Variants in PDLIM5 observed in about 807,000 individuals in gnomAD.
The protein encoded by PDLIM5 is PDZ and LIM domain protein 5.
Under a neutral mutation model 64.2 loss-of-function variants are expected in PDLIM5, and 34 were observed. That is an observed-to-expected ratio of 0.53 (90% confidence interval 0.40 to 0.71). The LOEUF is 0.71. Among genes scored for constraint, PDLIM5 ranks in the 30% least tolerant of loss-of-function variants. The pLI, the probability that PDLIM5 is intolerant of heterozygous loss-of-function variation, is 0.00. For missense variants in PDLIM5, 683 were observed against 733.6 expected, an observed-to-expected ratio of 0.93 and a Z score of 0.80; for synonymous variants, 253 against 269.1, an observed-to-expected ratio of 0.94 and a Z score of 0.59.
chr4:94,543,042 C>T (rs773369514), intron 3 of PDLIM5, among the ~76,000 whole-genome samples: 11 of 152,172 alleles, frequency 7.2e-5, no homozygotes, highest in Non-Finnish European at 1.2e-4. Flanking sequence ...GTAGTCATTA[C>T]TCGGATGAAG....
chr4:94,584,636 A>G, intron 5 of PDLIM5: 1 of 218,104 alleles, frequency 4.6e-6, no homozygotes, highest in Non-Finnish European at 9.0e-6. Context: ...ATGAATGAGA[A>G]AACTGTAGAA....
intron 2 of PDLIM5, among the ~76,000 whole-genome samples, chr4:94,485,729 A>G (rs1726256848): frequency 6.6e-6 from 1 of 151,604 alleles, no homozygotes; most frequent in Non-Finnish European, 1.5e-5. Context: ...ATGTGCCTGT[A>G]ATCCCAGCTA....
Position 94,665,754 on chromosome 4 carries a change from T to G in PDLIM5, c.*1687T>G, listed in dbSNP as rs1277959735. ...TGAGGATGTGATGAAATTGAGACTT[T>G]TTGTGGTTTTCTCTCAATAATAAGT... On this transcript the variant is annotated 3_prime_UTR_variant, in exon 13 of 13. Coordinates refer to ENST00000317968, the MANE Select transcript of PDLIM5 (RefSeq NM_006457.5). 1.1e-5 allele frequency: 14 copies of G among 1,237,766 alleles called. No homozygotes were observed. The highest frequency in any genetic ancestry group is 1.4e-5 in the Non-Finnish European group (14 of 990,282). 76.7% of individuals were successfully genotyped at this position (1,237,766 alleles called of 1,614,324 possible). A position where few individuals can be genotyped will look rare whatever the true frequency, so the allele number is the denominator to read the frequency against.
rs139493281 is a variant in PDLIM5 at position 94,626,260 on chromosome 4, A to G, written c.1108+8069A>G. ...ATTTAACAGTAGAATGATGACTATC[A>G]TTGATTAGTAGTAATCATTGTTTTT... On this transcript the variant is annotated intron_variant, in intron 8 of 12. Transcript: ENST00000317968. Among the ~76,000 whole-genome samples the G allele has an allele frequency of 5.4e-3, 815 of 152,280 alleles. 7 individuals carry two copies. Among genetic ancestry groups the G allele is most frequent in the African/African-American group, 0.019 (779 of 41,570 alleles).
intron 2 of PDLIM5, among the ~76,000 whole-genome samples, chr4:94,510,050 A>G (rs1445865800): frequency 5.3e-5 from 8 of 152,224 alleles, no homozygotes; most frequent in Non-Finnish European, 1.0e-4. Flanking sequence ...CACTTATGTA[A>G]TCACTCAGTA....
chr4:94,582,627 C>G, intron 5 of PDLIM5: 1 of 722,160 alleles, frequency 1.4e-6, no homozygotes, highest in Non-Finnish European at 2.4e-6. Context: ...TTCTTTTCTC[C>G]CCTCTTTGTC....
intron 2 of PDLIM5, among the ~76,000 whole-genome samples, chr4:94,485,921 A>C (rs1322517836): frequency 2.0e-5 from 3 of 152,010 alleles, no homozygotes; most frequent in Non-Finnish European, 4.4e-5. Flanking sequence ...ACATGAAATC[A>C]TGTGACATCG....
At chr4:94,661,026 G>A (rs1312757096) in intron 11 of PDLIM5, among the ~76,000 whole-genome samples, 4 of 152,142 alleles carry the variant, frequency 2.6e-5, no homozygotes, top group Admixed American at 1.3e-4. Context: ...GGAGGTTCCA[G>A]TGAGCCGAGA....
intron 2 of PDLIM5, among the ~76,000 whole-genome samples, chr4:94,477,286 C>G (rs1055833861): frequency 3.3e-5 from 5 of 152,122 alleles, no homozygotes; most frequent in Non-Finnish European, 5.9e-5. Context: ...CTGCTATATC[C>G]TGGTATTTAG....
chr4:94,473,581 A>G (rs1725066918), intron 2 of PDLIM5, among the ~76,000 whole-genome samples: 2 of 152,200 alleles, frequency 1.3e-5, no homozygotes, highest in Admixed American at 1.3e-4. Flanking sequence ...AGAGAGCTGA[A>G]GGTAGATACT....
At chr4:94,508,263 A>G (rs911688879) in intron 2 of PDLIM5, among the ~76,000 whole-genome samples, 1 of 152,218 alleles carries the variant, frequency 6.6e-6, no homozygotes, top group Non-Finnish European at 1.5e-5. Flanking sequence ...GTGATCTACT[A>G]ACATTTGGTG....
intron 4 of PDLIM5, 25 bp from the exon 5 acceptor site, chr4:94,575,591 G>A: frequency 6.8e-7 from 1 of 1,469,056 alleles, no homozygotes; most frequent in South Asian, 1.3e-5. Flanking sequence ...GTGGTTTTGT[G>A]TATGTTTATT....
intron 3 of PDLIM5, among the ~76,000 whole-genome samples, chr4:94,533,907 A>G (rs1731103568): frequency 6.6e-6 from 1 of 152,214 alleles, no homozygotes; most frequent in South Asian, 2.1e-4. Context: ...ATGATGCAAG[A>G]TTTAGAAGAG....
chr4:94,534,516 T>C (rs372196825), intron 3 of PDLIM5, among the ~76,000 whole-genome samples: 2 of 152,184 alleles, frequency 1.3e-5, no homozygotes, highest in Admixed American at 6.5e-5. Flanking sequence ...AATCTCTTTA[T>C]TGAGATCGGG....
chr4:94,490,606 T>A (rs1726782535), intron 2 of PDLIM5, among the ~76,000 whole-genome samples: 2 of 152,146 alleles, frequency 1.3e-5, no homozygotes. Flanking sequence ...TTTATTATCC[T>A]GTTTAATGTA....
chr4:94,638,392 C>A (rs1218900802), intron 8 of PDLIM5, among the ~76,000 whole-genome samples: 1 of 152,198 alleles, frequency 6.6e-6, no homozygotes, highest in East Asian at 1.9e-4. Context: ...TAATAGAGCT[C>A]CCTGGCCTGA....
chr4:94,455,465 C>T (rs1438552062), intron 2 of PDLIM5, 81 bp downstream of exon 2: 18 of 875,898 alleles, frequency 2.1e-5, no homozygotes, highest in Non-Finnish European at 3.2e-5. Flanking sequence ...TCTCTGTTGA[C>T]CTGTACTCTA....
intron 3 of PDLIM5, among the ~76,000 whole-genome samples, chr4:94,570,096 TAAAG>T (rs1734682750): frequency 6.6e-6 from 1 of 152,140 alleles, no homozygotes; most frequent in Non-Finnish European, 1.5e-5. Flanking sequence ...TTATAATTCT[TAAAG>T]AAGTATTATA....
rs146886489 is a variant in PDLIM5 at position 94,568,196 on chromosome 4, G to C, written c.249-5155G>C. ...TGTCAAATGATGGCTTACAGGCCAA[G>C]TCCTGCCCACCGCTTGTTTTTACTA... On this transcript the variant is annotated intron_variant, in intron 3 of 12. Transcript: ENST00000317968. 3.1e-3 allele frequency among the ~76,000 whole-genome samples: 468 copies of C among 152,310 alleles called. 1 individual carries two copies. The highest frequency in any genetic ancestry group is 5.0e-3 in the Non-Finnish European group (340 of 68,020).
Sources: allele counts gnomAD v4.1 joint callset (sites outside exome capture counted in the v4.1 genomes callset), GRCh38; gene constraint gnomAD v4.1.1; transcripts MANE v1.5; gene names NCBI Gene and HGNC (gene_info 2026-07-23, HGNC 2026-07-21).